Variants in B3GALNT2 observed in about 807,000 individuals in gnomAD.
The protein encoded by B3GALNT2 is beta-1,3-N-acetylgalactosaminyltransferase 2.
B3GALNT2 carries 53 observed loss-of-function variants against 61.1 expected under a neutral mutation model. The observed-to-expected ratio is 0.87, with a 90% CI of 0.70 to 1.09. The LOEUF (loss-of-function observed/expected upper bound fraction) is 1.09, where lower values mean the gene tolerates loss of function less well. Among genes scored for constraint, B3GALNT2 ranks in the 50% least tolerant of loss-of-function variants. B3GALNT2 has a pLI of 0.00. For missense variants in B3GALNT2, 544 were observed against 623.0 expected (o/e 0.87, Z 1.35); for synonymous variants, 223 against 237.4 (o/e 0.94, Z 0.56).
At chr1:235,460,581 T>G (rs1255382960) in intron 7 of B3GALNT2, among the ~76,000 whole-genome samples, 1 of 151,440 alleles carries the variant, frequency 6.6e-6, no homozygotes, top group Non-Finnish European at 1.5e-5. Flanking sequence ...TTCCTTTGTT[T>G]TTTTTTTTTT....
intron 8 of B3GALNT2, among the ~76,000 whole-genome samples, chr1:235,457,006 T>G (rs1683195167): frequency 6.6e-6 from 1 of 152,098 alleles, no homozygotes; most frequent in Admixed American, 6.5e-5. Context: ...AGTCCCAAAT[T>G]ATATTAATTT....
chr1:235,472,662 CT>C (rs1413958238), intron 5 of B3GALNT2, among the ~76,000 whole-genome samples: 1 of 152,084 alleles, frequency 6.6e-6, no homozygotes, highest in African/African-American at 2.4e-5. Flanking sequence ...AAAATGTTTG[CT>C]GAATAAATAA....
chr1:235,483,197 G>A (rs1001863995), intron 4 of B3GALNT2, among the ~76,000 whole-genome samples: 2 of 152,076 alleles, frequency 1.3e-5, no homozygotes, highest in African/African-American at 4.8e-5. Context: ...GAATACAGAT[G>A]AACAGAAGTT....
chr1:235,449,044 A>G lies in B3GALNT2; in HGVS notation c.*1162T>C. The G allele has an allele frequency of 2.9e-6, 1 of 348,344 alleles. No individual in the cohort carries two copies. The highest frequency in any genetic ancestry group is 2.7e-5 in the South Asian group (1 of 37,616). The allele number at this position is 348,344 out of a possible 1,614,324, so 21.6% of individuals were successfully genotyped here. On this transcript the variant is annotated 3_prime_UTR_variant, in exon 12 of 12. Coordinates refer to ENST00000366600, the MANE Select transcript of B3GALNT2 (RefSeq NM_152490.5). ...TCATGATAAGATTTAAATATTAAAT[A>G]GAAAGAAACTAGCTAGCCTAATAAA...
In B3GALNT2 at chr1:235,466,782, TACTC is replaced by T. The variant is rs1683716971; in HGVS notation, c.763-1072_763-1069del. ...CTCTTCAAAAGTTACCCAATGGCCTTACTCAGAGTGAACTGTTTTACTTCTGTAT... is the reference window on the plus strand; with the variant it reads ...CTCTTCAAAAGTTACCCAATGGCCTTAGAGTGAACTGTTTTACTTCTGTAT... On this transcript the variant is annotated intron_variant, in intron 6 of 11. Coordinates refer to ENST00000366600, the MANE Select transcript of B3GALNT2 (RefSeq NM_152490.5). 2.0e-5 allele frequency among the ~76,000 whole-genome samples: 3 copies of T among 152,228 alleles called. No homozygotes were observed. In the South Asian group the frequency reaches 6.2e-4, roughly 32 times the overall value.
At chr1:235,492,434 T>C (rs1285535205) in intron 2 of B3GALNT2, among the ~76,000 whole-genome samples, 1 of 152,164 alleles carries the variant, frequency 6.6e-6, no homozygotes, top group African/African-American at 2.4e-5. Context: ...CACGCTAAAT[T>C]TAAAGCAAGA....
chr1:235,473,525 T>C (rs957142116), intron 5 of B3GALNT2, among the ~76,000 whole-genome samples: 3 of 152,142 alleles, frequency 2.0e-5, no homozygotes, highest in Non-Finnish European at 2.9e-5. Flanking sequence ...TGAGAACAGA[T>C]GGGATGGAGA....
At position 235,468,687 on chromosome 1, in the gene B3GALNT2, G is replaced by A. The variant is rs567503117; in HGVS notation, c.762+2163C>T. 4.0e-5 allele frequency among the ~76,000 whole-genome samples: 6 copies of A among 151,760 alleles called. No homozygotes were observed. In the South Asian group the frequency reaches 8.3e-4, roughly 21 times the overall value. ...AGGCTGGTCTTGATCTCTTGACCTC[G>A]TGATCCTCCCACCTCAGCCTCCCGA... is the stretch of plus-strand genomic sequence containing the variant. On this transcript the variant is annotated intron_variant, in intron 6 of 11. Coordinates refer to ENST00000366600, the MANE Select transcript of B3GALNT2 (RefSeq NM_152490.5).
intron 7 of B3GALNT2, among the ~76,000 whole-genome samples, chr1:235,460,524 T>TG (rs887362906): frequency 6.6e-6 from 1 of 150,838 alleles, no homozygotes; most frequent in Non-Finnish European, 1.5e-5. Context: ...TTCTGAGCAC[T>TG]GGGTACCTGG....
At chr1:235,475,023 C>T (rs1339726703) in intron 5 of B3GALNT2, among the ~76,000 whole-genome samples, 2 of 100,482 alleles carry the variant, frequency 2.0e-5, no homozygotes, top group Non-Finnish European at 3.6e-5. Context: ...GACGGAGTCT[C>T]GCTCTGTCTC....
rs1201624996 is a variant in B3GALNT2, at chr1:235,494,845, T to A, written c.113-17A>T. On this transcript the variant is annotated splice_polypyrimidine_tract_variant and intron_variant, in intron 1 of 11. Coordinates refer to ENST00000366600, the MANE Select transcript of B3GALNT2 (RefSeq NM_152490.5). ...CCAACTGATCTAGAAATAAGAACAATACATGAGAAATAAGTCATGTATCAA... is the reference window on the plus strand; with the variant it reads ...CCAACTGATCTAGAAATAAGAACAAAACATGAGAAATAAGTCATGTATCAA... The A allele has an allele frequency of 6.3e-7, 1 of 1,580,714 alleles. No homozygotes were observed. Among genetic ancestry groups the A allele is most frequent in the South Asian group, 1.1e-5 (1 of 89,366 alleles).
intron 6 of B3GALNT2, among the ~76,000 whole-genome samples, chr1:235,470,575 CA>C (rs35802636): frequency 5.7e-4 from 68 of 118,390 alleles, no homozygotes; most frequent in South Asian, 2.0e-3. Flanking sequence ...GAGACCCTCT[CA>C]AAAAAAAAAA....
In B3GALNT2 at chr1:235,494,674, A is replaced by C; in HGVS notation, c.260+7T>G. 6.2e-7 allele frequency: 1 copy of C among 1,608,670 alleles called. No homozygotes were observed. The highest frequency in any genetic ancestry group is 1.1e-5 in the South Asian group (1 of 90,510). Reference sequence around the variant, plus strand: ...AACCAGGCAAGGCAACAACTCAGAAAACCTACCGTTGACTTAATGTGGGAT... The same window carrying C: ...AACCAGGCAAGGCAACAACTCAGAACACCTACCGTTGACTTAATGTGGGAT... On this transcript the variant is annotated splice_region_variant and intron_variant, in intron 2 of 11. Coordinates refer to ENST00000366600, the MANE Select transcript of B3GALNT2 (RefSeq NM_152490.5).
downstream of B3GALNT2, among the ~76,000 whole-genome samples, chr1:235,446,429 G>A (rs4659884): frequency 0.74 from 111,745 of 151,798 alleles, 42,316 homozygotes; most frequent in African/African-American, 0.93. Flanking sequence ...CGCCCGCCTC[G>A]GCCTCCCAAA....
chr1:235,491,187 T>C (rs552432159), intron 2 of B3GALNT2, among the ~76,000 whole-genome samples: 1 of 152,070 alleles, frequency 6.6e-6, no homozygotes. Flanking sequence ...AAAGCTGACA[T>C]ATCTTAGTTG....
At chr1:235,469,768 G>A (rs1335161640) in intron 6 of B3GALNT2, among the ~76,000 whole-genome samples, 1 of 151,550 alleles carries the variant, frequency 6.6e-6, no homozygotes. Flanking sequence ...CACCATGTTG[G>A]CCAGGCTGGT....
In B3GALNT2 at chr1:235,504,160, G is replaced by GGCGCAGGCGGGCGGCGGGGA; in HGVS notation, c.73_92dup (p.Ser32ProfsTer30). The GGCGCAGGCGGGCGGCGGGGA allele has an allele frequency of 7.7e-7, 1 of 1,290,774 alleles. No individual in the cohort carries two copies. The highest frequency in any genetic ancestry group is 9.8e-7 in the Non-Finnish European group (1 of 1,025,076). 80.0% of individuals were successfully genotyped at this position (1,290,774 alleles called of 1,614,324 possible). On this transcript the variant is annotated frameshift_variant, in exon 1 of 12. Transcript: ENST00000366600. LOFTEE classifies it high-confidence loss of function. Reference sequence around the variant, plus strand: ...CCTCACCTGCAGGGCCGGCCCCGGAGGCGCAGGCGGGCGGCGGGGAGCGCA... The same window carrying GGCGCAGGCGGGCGGCGGGGA: ...CCTCACCTGCAGGGCCGGCCCCGGAGGCGCAGGCGGGCGGCGGGGAGCGCAGGCGGGCGGCGGGGAGCGCA...
chr1:235,475,608 G>C (rs1370106516), intron 5 of B3GALNT2, among the ~76,000 whole-genome samples: 1 of 151,918 alleles, frequency 6.6e-6, no homozygotes, highest in Non-Finnish European at 1.5e-5. Flanking sequence ...CCTTGATGCA[G>C]TAAAAAAAAG....
Position 235,447,629 on chromosome 1 carries a change from A to G in B3GALNT2, c.*2577T>C, listed in dbSNP as rs187517435. Among the ~76,000 whole-genome samples, 481 of 152,344 alleles carry G rather than the reference A, an allele frequency of 3.2e-3. 2 individuals are homozygous for G. Among genetic ancestry groups the G allele is most frequent in the African/African-American group, 0.011 (452 of 41,584 alleles). On this transcript the variant is annotated 3_prime_UTR_variant, in exon 12 of 12. Transcript: ENST00000366600. The stretch of plus-strand genomic sequence containing the variant: ...AAGGCCAGAGTTGAGAGATGTCCTC[A>G]GGATACCTGAGTCCCATTCCAGTGT...
Sources: gnomAD v4.1 joint callset for allele counts (sites outside exome capture counted in the v4.1 genomes callset) on GRCh38, gnomAD v4.1.1 for gene constraint, MANE v1.5 for transcripts, NCBI Gene and HGNC (gene_info 2026-07-23, HGNC 2026-07-21) for gene names.